The following SORCS3 variants were observed in gnomAD, a reference collection of about 807,000 sequenced individuals.
SORCS3 encodes VPS10 domain-containing receptor SorCS3.
Under a neutral mutation model 146.3 loss-of-function variants are expected in SORCS3, and 57 were observed. That is an observed-to-expected ratio of 0.39 (90% confidence interval 0.31 to 0.49). SORCS3 has a LOEUF of 0.49. Ranked by LOEUF, SORCS3 falls within the 20% of genes least tolerant of loss-of-function variation. The pLI, the probability that SORCS3 is intolerant of heterozygous loss-of-function variation, is 0.92. For missense variants in SORCS3, 1,341 were observed against 1,575.5 expected (o/e 0.85, Z 2.52); for synonymous variants, 653 against 618.5 (o/e 1.06, Z -0.83).
At chr10:105,008,390 A>G (rs1462354236) in intron 4 of SORCS3, among the ~76,000 whole-genome samples, 2 of 152,178 alleles carry the variant, frequency 1.3e-5, no homozygotes, top group Non-Finnish European at 2.9e-5. Flanking sequence ...ACAGCCTCTG[A>G]CCAAGGAAAT....
At chr10:104,741,026 A>G (rs74712690) in intron 1 of SORCS3, among the ~76,000 whole-genome samples, 6,730 of 152,026 alleles carry the variant, frequency 0.044, 143 homozygotes, top group Admixed American at 0.053. Context: ...CAATGGTCCT[A>G]TCATAGCTCA....
At chr10:104,758,009 A>G (rs1302491834) in intron 1 of SORCS3, among the ~76,000 whole-genome samples, 1 of 152,174 alleles carries the variant, frequency 6.6e-6, no homozygotes, top group Non-Finnish European at 1.5e-5. Context: ...AGTCTGGAAC[A>G]TAAAAACAGG....
At position 105,252,757 on chromosome 10, in the gene SORCS3, G is replaced by T. The variant is rs750862571; in HGVS notation, c.3106-18G>T. 4 of 1,613,454 alleles carry T rather than the reference G, an allele frequency of 2.5e-6. No individual in the cohort carries two copies. The highest frequency in any genetic ancestry group is 1.7e-5 in the Admixed American group (1 of 59,938). The stretch of plus-strand genomic sequence containing the variant: ...GCTGGCTCCTCCACAGCCTCTCTTT[G>T]TCTGAACATCTTTGCAGGTAACCAG... On this transcript the variant is annotated intron_variant, in intron 22 of 26. Transcript: ENST00000369701.
At chr10:104,987,329 T>G (rs1281279050) in intron 4 of SORCS3, among the ~76,000 whole-genome samples, 1 of 152,192 alleles carries the variant, frequency 6.6e-6, no homozygotes, top group African/African-American at 2.4e-5. Flanking sequence ...GGCTTTTTTT[T>G]GCATACCATT....
At chr10:104,839,954 G>A (rs2133544736) in intron 1 of SORCS3, among the ~76,000 whole-genome samples, 1 of 152,302 alleles carries the variant, frequency 6.6e-6, no homozygotes, top group Admixed American at 6.5e-5. Flanking sequence ...GTGAGGTTCT[G>A]TGGAAAGTTC....
chr10:105,177,089 G>A (rs1411606482), intron 13 of SORCS3, among the ~76,000 whole-genome samples: 1 of 152,004 alleles, frequency 6.6e-6, no homozygotes, highest in Non-Finnish European at 1.5e-5. Flanking sequence ...AACTCGCAGA[G>A]TTTATAATCT....
chr10:105,043,398 A>C (rs1452750772), intron 5 of SORCS3, among the ~76,000 whole-genome samples: 1 of 152,160 alleles, frequency 6.6e-6, no homozygotes, highest in South Asian at 2.1e-4. Flanking sequence ...TTTGAGAGGC[A>C]CTGGGCTTAA....
At chr10:104,768,060 A>G (rs1342487365) in intron 1 of SORCS3, among the ~76,000 whole-genome samples, 1 of 152,192 alleles carries the variant, frequency 6.6e-6, no homozygotes, top group Non-Finnish European at 1.5e-5. Flanking sequence ...CTCTAAATAT[A>G]TTCTCCTTGA....
intron 20 of SORCS3, among the ~76,000 whole-genome samples, chr10:105,239,228 C>T (rs532421964): frequency 6.6e-6 from 1 of 152,170 alleles, no homozygotes; most frequent in East Asian, 1.9e-4. Context: ...AATTATATAT[C>T]CAGCCTTTGT....
At chr10:105,237,374 G>A (rs927912803) in intron 20 of SORCS3, among the ~76,000 whole-genome samples, 10 of 152,190 alleles carry the variant, frequency 6.6e-5, no homozygotes, top group Non-Finnish European at 5.9e-5. Flanking sequence ...AAAGAAAGGC[G>A]TAGAAAGTGT....
intron 13 of SORCS3, among the ~76,000 whole-genome samples, chr10:105,175,041 C>CT: frequency 6.6e-6 from 1 of 151,964 alleles, no homozygotes; most frequent in South Asian, 2.1e-4. Context: ...TAATGCTGAC[C>CT]TTTTTTATTC....
chr10:105,235,942 T>G (rs951152367), intron 20 of SORCS3, among the ~76,000 whole-genome samples: 1 of 152,162 alleles, frequency 6.6e-6, no homozygotes, highest in African/African-American at 2.4e-5. Context: ...ACTATTTACT[T>G]GGCACACACT....
chr10:105,228,340 TCCTTTCTTTCTTTC>T (rs2056746104), intron 20 of SORCS3, among the ~76,000 whole-genome samples: 2 of 151,544 alleles, frequency 1.3e-5, no homozygotes, highest in Admixed American at 6.6e-5. Flanking sequence ...CCTCCATCCC[TCCTTTCTTTCTTTC>T]CCTTTCTTTC....
chr10:104,869,729 G>A (rs971009361), intron 2 of SORCS3, among the ~76,000 whole-genome samples: 5 of 152,188 alleles, frequency 3.3e-5, no homozygotes, highest in Non-Finnish European at 7.3e-5. Flanking sequence ...ATCAGGATGC[G>A]TAATTACTAC....
chr10:104,762,712 TG>T, intron 1 of SORCS3, among the ~76,000 whole-genome samples: 1 of 152,262 alleles, frequency 6.6e-6, no homozygotes, highest in Admixed American at 6.5e-5. Context: ...TTTAAAAGTG[TG>T]GCACTTCCCC....
chr10:105,031,934 T>C (rs1025004666), intron 4 of SORCS3, among the ~76,000 whole-genome samples: 1 of 152,190 alleles, frequency 6.6e-6, no homozygotes, highest in Non-Finnish European at 1.5e-5. Flanking sequence ...GGCTCATACC[T>C]GTAATCCCAG....
intron 7 of SORCS3, among the ~76,000 whole-genome samples, chr10:105,106,719 C>G (rs146089565): frequency 6.6e-6 from 1 of 152,124 alleles, no homozygotes; most frequent in African/African-American, 2.4e-5. Flanking sequence ...ACTCAAAAAC[C>G]ATCTTCGATG....
intron 1 of SORCS3, among the ~76,000 whole-genome samples, chr10:104,703,711 GT>G (rs11338927): frequency 0.23 from 30,913 of 135,272 alleles, 3,554 homozygotes; most frequent in Non-Finnish European, 0.27. Flanking sequence ...CATGTATCCT[GT>G]TTTTTTTTTT....
chr10:104,890,006 C>A (rs2018731842), intron 2 of SORCS3, among the ~76,000 whole-genome samples: 1 of 152,068 alleles, frequency 6.6e-6, no homozygotes, highest in African/African-American at 2.4e-5. Context: ...AATGTACTTT[C>A]TTATCATTTA....
Sources: allele counts gnomAD v4.1 joint callset (sites outside exome capture counted in the v4.1 genomes callset), GRCh38; gene constraint gnomAD v4.1.1; transcripts MANE v1.5; gene names NCBI Gene and HGNC (gene_info 2026-07-23, HGNC 2026-07-21).